Variants in IGFL2 observed in about 807,000 individuals in gnomAD.
IGFL2 encodes IGF like family member 2.
A neutral mutation model predicts 13.9 loss-of-function variants in IGFL2; 7 were observed. The observed-to-expected ratio is 0.51, with a 90% CI of 0.29 to 0.95. The LOEUF is 0.95. Ranked by LOEUF, IGFL2 falls within the 40% of genes least tolerant of loss-of-function variation. The pLI, the probability that IGFL2 is intolerant of heterozygous loss-of-function variation, is 0.08. For missense variants in IGFL2, 138 were observed against 147.8 expected (o/e 0.93, Z 0.34); for synonymous variants, 55 against 55.8 (o/e 0.99, Z 0.07).
At chr19:46,203,169 G>C in the IGFL2 span, 1 of 152,264 alleles carries the variant, frequency 6.6e-6, no homozygotes, top group Non-Finnish European at 1.5e-5. Flanking sequence ...CTTGTGGGCA[G>C]GGATGGGGAT....
chr19:46,140,066 CAGCCTCCTGAGTA>C (rs1187956793), upstream of IGFL2, among the ~76,000 whole-genome samples: 5 of 152,186 alleles, frequency 3.3e-5, no homozygotes, highest in South Asian at 1.0e-3. Context: ...TCTCCTGCCT[CAGCCTCCTGAGTA>C]GCTGGGATTA....
upstream of IGFL2, among the ~76,000 whole-genome samples, chr19:46,141,011 T>C (rs1972835569): frequency 6.6e-6 from 1 of 152,216 alleles, no homozygotes; most frequent in Admixed American, 6.5e-5. Flanking sequence ...AGCTCTGCCA[T>C]TAAGAGAAAG....
intron 1 of IGFL2, chr19:46,160,177 C>T (rs943010413): frequency 5.0e-5 from 27 of 544,148 alleles, no homozygotes; most frequent in Non-Finnish European, 7.6e-5. Context: ...GAATCATAAA[C>T]GAAGATATTC....
the IGFL2 span, among the ~76,000 whole-genome samples, chr19:46,133,313 T>TG: frequency 3.9e-5 from 6 of 152,186 alleles, no homozygotes; most frequent in African/African-American, 1.4e-4. Flanking sequence ...CTAGCAGTCT[T>TG]GCCATGAGAG....
chr19:46,171,656 A>G, the IGFL2 span, among the ~76,000 whole-genome samples: 1 of 152,108 alleles, frequency 6.6e-6, no homozygotes, highest in East Asian at 1.9e-4. Flanking sequence ...GCTGTTTCTC[A>G]TATTCCATAG....
the IGFL2 span, chr19:46,124,239 C>T: frequency 4.3e-6 from 7 of 1,609,426 alleles, no homozygotes; most frequent in Non-Finnish European, 5.1e-6. Context: ...CACCTCTTCC[C>T]TCCTCATTTT....
chr19:46,152,867 G>A (rs1274010326), intron 1 of IGFL2, among the ~76,000 whole-genome samples: 1 of 152,104 alleles, frequency 6.6e-6, no homozygotes, highest in African/African-American at 2.4e-5. Flanking sequence ...TTTGTTCTTT[G>A]TATTTTATCA....
chr19:46,201,657 G>C, the IGFL2 span, among the ~76,000 whole-genome samples: 1 of 152,140 alleles, frequency 6.6e-6, no homozygotes, highest in Non-Finnish European at 1.5e-5. Flanking sequence ...GGATGATTAG[G>C]TTTTAATGGG....
chr19:46,121,800 CAA>C, the IGFL2 span, among the ~76,000 whole-genome samples: 1 of 150,912 alleles, frequency 6.6e-6, no homozygotes, highest in Non-Finnish European at 1.5e-5. Context: ...GAGCTGACTG[CAA>C]AGAGACAAAG....
chr19:46,149,212 C>A (rs1281162461), intron 1 of IGFL2, among the ~76,000 whole-genome samples: 1 of 150,360 alleles, frequency 6.7e-6, no homozygotes, highest in Non-Finnish European at 1.5e-5. Context: ...CTTTCTCTCT[C>A]CCTCTCTTTT....
chr19:46,149,131 G>T lies in IGFL2; in HGVS notation c.19+834G>T. On this transcript the variant is annotated intron_variant, in intron 1 of 3. Coordinates refer to ENST00000377693, the MANE Select transcript of IGFL2 (RefSeq NM_001135113.2). ...TGCTGTGTTCACTAACTTCTTTTTGGGCAACCATCTCTCTCTCTCCCTCTC... is the reference window on the plus strand; with the variant it reads ...TGCTGTGTTCACTAACTTCTTTTTGTGCAACCATCTCTCTCTCTCCCTCTC... 5.7e-6 allele frequency: 5 copies of T among 881,946 alleles called. No individual in the cohort carries two copies. In the East Asian group the frequency reaches 8.1e-5, roughly 14 times the overall value. 54.6% of individuals were successfully genotyped at this position (881,946 alleles called of 1,614,324 possible). A position where few individuals can be genotyped will look rare whatever the true frequency, so the allele number is the denominator to read the frequency against.
At chr19:46,158,660 A>G (rs1973959807) in intron 1 of IGFL2, among the ~76,000 whole-genome samples, 1 of 152,220 alleles carries the variant, frequency 6.6e-6, no homozygotes, top group South Asian at 2.1e-4. Context: ...AATTTCATGT[A>G]CAACTTTTCT....
the IGFL2 span, chr19:46,211,977 A>G: frequency 6.6e-6 from 1 of 152,202 alleles, no homozygotes; most frequent in Non-Finnish European, 1.5e-5. Flanking sequence ...TGGAATACAC[A>G]CAGTTCCAAT....
chr19:46,088,991 G>A, the IGFL2 span, among the ~76,000 whole-genome samples: 1 of 152,128 alleles, frequency 6.6e-6, no homozygotes, highest in Non-Finnish European at 1.5e-5. Flanking sequence ...GATCTTAAAA[G>A]TTATTTATAG....
chr19:46,107,111 T>G, the IGFL2 span, among the ~76,000 whole-genome samples: 1 of 151,966 alleles, frequency 6.6e-6, no homozygotes, highest in Admixed American at 6.6e-5. Context: ...TGGGGGAGTT[T>G]TAAGGGGTCT....
the IGFL2 span, among the ~76,000 whole-genome samples, chr19:46,101,881 A>G: frequency 6.6e-6 from 1 of 152,214 alleles, no homozygotes; most frequent in East Asian, 1.9e-4. Flanking sequence ...TTCCAAGGCT[A>G]GGTAACATTG....
the IGFL2 span, among the ~76,000 whole-genome samples, chr19:46,126,914 A>G: frequency 5.3e-5 from 8 of 152,166 alleles, no homozygotes; most frequent in African/African-American, 1.9e-4. Context: ...CACTAGTTCA[A>G]GGGTATGGGA....
chr19:46,180,502 T>C, the IGFL2 span: 1 of 152,226 alleles, frequency 6.6e-6, no homozygotes, highest in African/African-American at 2.4e-5. Flanking sequence ...TAAAATAGCC[T>C]TTTATATTTA....
At chr19:46,082,923 A>G in the IGFL2 span, among the ~76,000 whole-genome samples, 7 of 152,224 alleles carry the variant, frequency 4.6e-5, no homozygotes, top group East Asian at 1.9e-4. Flanking sequence ...GACTTGCACA[A>G]TTACATAACC....
Sources: gnomAD v4.1 joint callset for allele counts (sites outside exome capture counted in the v4.1 genomes callset) on GRCh38, gnomAD v4.1.1 for gene constraint, MANE v1.5 for transcripts, NCBI Gene and HGNC (gene_info 2026-07-23, HGNC 2026-07-21) for gene names.